ERICH3: variants seen among roughly 807,000 people sequenced by gnomAD.
ERICH3 encodes the protein glutamate-rich protein 3.
A neutral mutation model predicts 131.1 loss-of-function variants in ERICH3; 126 were observed. The ratio of observed to expected loss-of-function variants is 0.96; its 90% CI spans 0.83 to 1.11. The LOEUF is 1.11. Ranked by LOEUF, ERICH3 falls within the 50% of genes most tolerant of loss-of-function variation. The probability of loss-of-function intolerance (pLI) is 0.00; values close to 1 mark genes in which losing one functional copy is unlikely to be tolerated. For missense variants in ERICH3, 2,050 were observed against 1,810.7 expected, an observed-to-expected ratio of 1.13 and a Z score of -2.40; for synonymous variants, 695 against 644.6, an observed-to-expected ratio of 1.08 and a Z score of -1.18.
chr1:74,603,913 A>G (rs564860759), intron 10 of ERICH3, among the ~76,000 whole-genome samples: 1 of 151,920 alleles, frequency 6.6e-6, no homozygotes, highest in Admixed American at 6.6e-5. Flanking sequence ...TGGGGTGGCT[A>G]TGGAAATTTC....
intron 5 of ERICH3, 109 bp downstream of exon 5, chr1:74,641,222 A>G: frequency 8.1e-7 from 1 of 1,233,708 alleles, no homozygotes; most frequent in Non-Finnish European, 1.1e-6. Context: ...ATTCAGTAGG[A>G]CTGGCAGCAT....
intron 8 of ERICH3, among the ~76,000 whole-genome samples, chr1:74,618,390 G>A (rs568333313): frequency 3.9e-5 from 6 of 152,230 alleles, no homozygotes; most frequent in Non-Finnish European, 5.9e-5. Context: ...ATAATAGTGC[G>A]TATGGGACAA....
intron 5 of ERICH3, among the ~76,000 whole-genome samples, chr1:74,638,825 T>C (rs577206189): frequency 1.3e-5 from 2 of 152,288 alleles, no homozygotes; most frequent in African/African-American, 2.4e-5. Context: ...ATCTTGGCTT[T>C]TATGGATAAA....
intron 13 of ERICH3, among the ~76,000 whole-genome samples, chr1:74,573,993 CT>C (rs59687548): frequency 0.052 from 7,057 of 135,640 alleles, 495 homozygotes; most frequent in African/African-American, 0.17. Flanking sequence ...CTTTTTCTCT[CT>C]TTTTTTTTTT....
chr1:74,656,733 A>G (rs903817632), intron 1 of ERICH3, among the ~76,000 whole-genome samples: 1 of 152,204 alleles, frequency 6.6e-6, no homozygotes, highest in Non-Finnish European at 1.5e-5. Flanking sequence ...CTCATTTTAC[A>G]TTCAGGAAGC....
intron 7 of ERICH3, among the ~76,000 whole-genome samples, chr1:74,626,822 C>T (rs551737603): frequency 1.1e-4 from 17 of 152,242 alleles, no homozygotes; most frequent in Admixed American, 2.0e-4. Context: ...GACTGTGAGT[C>T]GTACCACACC....
At chr1:74,661,497 C>A (rs1167104605) in intron 1 of ERICH3, among the ~76,000 whole-genome samples, 2 of 152,042 alleles carry the variant, frequency 1.3e-5, no homozygotes, top group African/African-American at 2.4e-5. Context: ...ATTCATGAAT[C>A]TAAGAAGAGG....
chr1:74,606,728 G>A lies in ERICH3; in HGVS notation c.1362C>T (p.Ala454=). The change falls in exon 10 of 15, where the codon GCC becomes GCT. Residue 454 remains alanine, a synonymous_variant. Coordinates refer to ENST00000326665, the MANE Select transcript of ERICH3 (RefSeq NM_001002912.5). ...EIKENKTSVS[A]KFSAQEIKTG... ...TTTTTATTTCTTGAGCTGAAAATTT[G>A]GCTGAAACAGAGGTTTTGTTCTCCT... 6.2e-7 allele frequency: 1 copy of A among 1,613,294 alleles called. No individual in the cohort carries two copies. The highest frequency in any genetic ancestry group is 8.5e-7 in the Non-Finnish European group (1 of 1,179,538).
In ERICH3 at chr1:74,606,375, C is replaced by T. The variant is rs145005659; in HGVS notation, c.1489+226G>A. 7.5e-3 allele frequency among the ~76,000 whole-genome samples: 1,137 copies of T among 151,972 alleles called. 13 individuals are homozygous for T. The highest frequency in any genetic ancestry group is 0.026 in the African/African-American group (1,058 of 41,458). ...ACATGTACTCATTCTCTCTCCTCATCTCTGCAGCCAGAACCTTTAACCTTT... is the reference window on the plus strand; with the variant it reads ...ACATGTACTCATTCTCTCTCCTCATTTCTGCAGCCAGAACCTTTAACCTTT... On this transcript the variant is annotated intron_variant, in intron 10 of 14. Transcript: ENST00000326665.
intron 8 of ERICH3, among the ~76,000 whole-genome samples, chr1:74,615,782 C>T (rs991650452): frequency 2.6e-5 from 4 of 152,116 alleles, no homozygotes; most frequent in Admixed American, 2.6e-4. Flanking sequence ...CATCTGCTAC[C>T]GCCTTATCAC....
rs151189337 is a variant in ERICH3 at position 74,650,710 on chromosome 1, A to G, written c.24-1395T>C. On this transcript the variant is annotated intron_variant, in intron 1 of 14. Coordinates refer to ENST00000326665, the MANE Select transcript of ERICH3 (RefSeq NM_001002912.5). ...AGGATCTGACAACACTACTCAGAAC[A>G]GCATGCAATTTAAAACTTATACGTT... 4.4e-3 allele frequency among the ~76,000 whole-genome samples: 675 copies of G among 152,230 alleles called. 6 individuals are homozygous for G. The highest frequency in any genetic ancestry group is 0.016 in the African/African-American group (648 of 41,562).
At chr1:74,610,291 C>T (rs1383829843) in intron 9 of ERICH3, among the ~76,000 whole-genome samples, 1 of 151,310 alleles carries the variant, frequency 6.6e-6, no homozygotes, top group Admixed American at 6.6e-5. Flanking sequence ...CAGCCTTATC[C>T]TCAGTTGATA....
chr1:74,603,626 C>T (rs757666455), intron 10 of ERICH3, among the ~76,000 whole-genome samples: 1 of 151,754 alleles, frequency 6.6e-6, no homozygotes, highest in East Asian at 1.9e-4. Flanking sequence ...AGGGATATTG[C>T]AGGTTCAGTT....
chr1:74,658,916 TG>T lies in ERICH3; in HGVS notation c.24-9602del, dbSNP rs368518718. ...ACAGAATTTCTGTTAAGCATTAGTA[TG>T]ATAATGCAAGTAAAGAGCTTAGCGC... is the stretch of plus-strand genomic sequence containing the variant. On this transcript the variant is annotated intron_variant, in intron 1 of 14. Transcript: ENST00000326665. 3.8e-3 allele frequency among the ~76,000 whole-genome samples: 575 copies of T among 152,356 alleles called. 4 individuals are homozygous for T. The highest frequency in any genetic ancestry group is 0.013 in the African/African-American group (545 of 41,584).
intron 6 of ERICH3, among the ~76,000 whole-genome samples, chr1:74,635,954 C>G (rs1221519748): frequency 6.6e-6 from 1 of 152,158 alleles, no homozygotes; most frequent in Non-Finnish European, 1.5e-5. Flanking sequence ...TGGAAGAAGT[C>G]AACACTAGGT....
At chr1:74,657,730 C>T (rs1322150598) in intron 1 of ERICH3, among the ~76,000 whole-genome samples, 2 of 152,044 alleles carry the variant, frequency 1.3e-5, no homozygotes, top group African/African-American at 4.8e-5. Context: ...ACAGATGAGG[C>T]AATGGGGAAG....
chr1:74,584,912 G>A (rs1374293039), intron 12 of ERICH3, among the ~76,000 whole-genome samples: 2 of 152,082 alleles, frequency 1.3e-5, no homozygotes, highest in Admixed American at 6.6e-5. Flanking sequence ...TGACTTTCTT[G>A]TTCTTTCATC....
At chr1:74,632,403 G>C (rs1181776892) in intron 6 of ERICH3, among the ~76,000 whole-genome samples, 2 of 151,884 alleles carry the variant, frequency 1.3e-5, no homozygotes. Flanking sequence ...GTACTATTTA[G>C]AGTAAATTAT....
intron 8 of ERICH3, among the ~76,000 whole-genome samples, chr1:74,613,078 T>C (rs1648781768): frequency 6.6e-6 from 1 of 152,210 alleles, no homozygotes; most frequent in Non-Finnish European, 1.5e-5. Context: ...TTCAAATTTG[T>C]GTAGGGCCAC....
Sources: allele counts gnomAD v4.1 joint callset (sites outside exome capture counted in the v4.1 genomes callset), GRCh38; gene constraint gnomAD v4.1.1; transcripts MANE v1.5; gene names NCBI Gene and HGNC (gene_info 2026-07-23, HGNC 2026-07-21).